Variants in CDK12 observed in about 807,000 individuals in gnomAD.
CDK12 encodes cyclin dependent kinase 12, also known as cyclin-dependent kinase 12.
CDK12 carries 17 observed loss-of-function variants against 133.8 expected under a neutral mutation model. The observed-to-expected ratio is 0.13, with a 90% CI of 0.09 to 0.19. The LOEUF (loss-of-function observed/expected upper bound fraction) is 0.19, where lower values mean the gene tolerates loss of function less well. Ranked by LOEUF, CDK12 falls within the 10% of genes least tolerant of loss-of-function variation. CDK12 has a pLI of 1.00. For synonymous variants in CDK12, 694 were observed against 683.6 expected (o/e 1.02, Z -0.24); for missense variants, 1,508 against 1,818.7 (o/e 0.83, Z 3.11).
At chr17:39,511,491 A>G (rs2053505287) in intron 7 of CDK12, 38 bp from the exon 8 acceptor site, 2 of 1,269,930 alleles carry the variant, frequency 1.6e-6, no homozygotes, top group Non-Finnish European at 2.3e-6. Flanking sequence ...ATCAGAAGCC[A>G]CTGTAAGTTT....
chr17:39,510,942 G>A (rs1228673258), intron 7 of CDK12, among the ~76,000 whole-genome samples: 12 of 134,570 alleles, frequency 8.9e-5, no homozygotes, highest in Non-Finnish European at 1.4e-4. Flanking sequence ...TAGGCCAGGC[G>A]TGGTGGCTCA....
At chr17:39,494,746 T>C (rs2051928261) in intron 5 of CDK12, 52 bp downstream of exon 5, 3 of 1,273,404 alleles carry the variant, frequency 2.4e-6, no homozygotes, top group South Asian at 1.5e-5. Context: ...AATCTTTGCC[T>C]TTCTTTTTTT....
chr17:39,518,525 CCTCT>C (rs1485191037), intron 10 of CDK12, among the ~76,000 whole-genome samples: 1 of 151,866 alleles, frequency 6.6e-6, no homozygotes, highest in African/African-American at 2.4e-5. Flanking sequence ...TACTTTTTTC[CCTCT>C]CTGTTATTTT....
At chr17:39,469,964 C>G (rs1299884830) in intron 1 of CDK12, among the ~76,000 whole-genome samples, 3 of 151,934 alleles carry the variant, frequency 2.0e-5, no homozygotes, top group East Asian at 3.9e-4. Flanking sequence ...CCTGTTTTCA[C>G]TTTATCAAAG....
At chr17:39,544,749 G>GCC (rs1411104032), upstream of CDK12, among the ~76,000 whole-genome samples, 1 of 149,692 alleles carries the variant, frequency 6.7e-6, no homozygotes, top group African/African-American at 2.5e-5. Context: ...TCCTGCCTTA[G>GCC]CCTCCTGAGT....
At chr17:39,469,574 G>C (rs1221877025) in intron 1 of CDK12, among the ~76,000 whole-genome samples, 1 of 151,618 alleles carries the variant, frequency 6.6e-6, no homozygotes, top group African/African-American at 2.4e-5. Flanking sequence ...TTTTGGTGAA[G>C]CATGCTTGTT....
intron 3 of CDK12, among the ~76,000 whole-genome samples, chr17:39,562,751 G>A (rs58935634): frequency 1.3e-5 from 2 of 152,180 alleles, no homozygotes; most frequent in East Asian, 1.9e-4. Flanking sequence ...CATAAAAATC[G>A]AGGGTAGGCT....
At chr17:39,509,851 G>T (rs1303615053) in intron 7 of CDK12, 90 bp downstream of exon 7, 5 of 993,900 alleles carry the variant, frequency 5.0e-6, no homozygotes. Flanking sequence ...GCTCAGGCTG[G>T]AGTGCGTGGC....
chr17:39,472,776 T>C (rs936075235), intron 2 of CDK12, among the ~76,000 whole-genome samples: 5 of 151,678 alleles, frequency 3.3e-5, no homozygotes, highest in South Asian at 4.2e-4. Context: ...TCAATAGTTA[T>C]ATAAATAACA....
At position 39,462,812 on chromosome 17, in the gene CDK12, C is replaced by G. The variant is rs752332073; in HGVS notation, c.741C>G (p.Asp247Glu). The change falls in exon 1 of 14, where the codon GAC becomes GAG. Residue 247 changes from aspartate to glutamate, a missense_variant. Asp to Glu is a conservative substitution (Grantham distance 45). Coordinates refer to ENST00000447079, the MANE Select transcript of CDK12 (RefSeq NM_016507.4). ...GAGCTTCTTATGGCCAAGATTATGACCTTAGTCCCTCACGATCTCATACCT... is the reference window on the plus strand; with the variant it reads ...GAGCTTCTTATGGCCAAGATTATGAGCTTAGTCCCTCACGATCTCATACCT... ...PSGASYGQDY[D>E]LSPSRSHTSS... 3.7e-6 allele frequency: 6 copies of G among 1,614,036 alleles called. No individual in the cohort carries two copies. In the African/African-American group the frequency reaches 8.0e-5, roughly 22 times the overall value.
chr17:39,510,562 A>G (rs2053435432), intron 7 of CDK12, among the ~76,000 whole-genome samples: 2 of 151,374 alleles, frequency 1.3e-5, no homozygotes, highest in African/African-American at 4.8e-5. Context: ...CCTTGGCTGG[A>G]ATAAATAAAT....
In CDK12 at chr17:39,481,475, T is replaced by C. The variant is rs1339472027; in HGVS notation, c.1932-9082T>C. ...ATCACAAGCCATGCCCGGCTGTTTT[T>C]TTTTTTACATTTTTGGTAGAGACCA... On this transcript the variant is annotated intron_variant, in intron 2 of 13. Coordinates refer to ENST00000447079, the MANE Select transcript of CDK12 (RefSeq NM_016507.4). Among the ~76,000 whole-genome samples, 6 of 151,578 alleles carry C rather than the reference T, an allele frequency of 4.0e-5. No individual in the cohort carries two copies. The South Asian group carries it at 1.0e-3, about 26-fold the overall frequency.
At position 39,532,002 on chromosome 17, in the gene CDK12, TGCACATAAAG is replaced by T. The variant is rs1196022474; in HGVS notation, c.*687_*696del. ...TTGACAAAAGATACGCCCTTCTCCC[TGCACATAAAG>T]CAGGTTGTAGAACGTGGCATTCTTG... On this transcript the variant is annotated 3_prime_UTR_variant, in exon 14 of 14. Transcript: ENST00000447079. The T allele has an allele frequency of 4.3e-6, 1 of 233,762 alleles. No individual in the cohort carries two copies. Among genetic ancestry groups the T allele is most frequent in the Non-Finnish European group, 8.5e-6 (1 of 118,066 alleles). The allele number at this position is 233,762 out of a possible 1,614,324, so 14.5% of individuals were successfully genotyped here. A position where few individuals can be genotyped will look rare whatever the true frequency, so the allele number is the denominator to read the frequency against.
intron 2 of CDK12, among the ~76,000 whole-genome samples, chr17:39,479,720 G>A (rs949761193): frequency 1.3e-5 from 2 of 150,912 alleles, no homozygotes; most frequent in African/African-American, 4.9e-5. Flanking sequence ...TCCGCCTCTC[G>A]GGTTCAAGCA....
intron 5 of CDK12, among the ~76,000 whole-genome samples, chr17:39,500,371 G>A (rs1248163299): frequency 1.3e-5 from 2 of 151,846 alleles, no homozygotes; most frequent in African/African-American, 4.8e-5. Context: ...GGTGGCTGAC[G>A]CCTGTAATCC....
intron 2 of CDK12, among the ~76,000 whole-genome samples, chr17:39,482,620 T>TTTTTTTTTTTTTTG (rs2050807128): frequency 2.7e-5 from 4 of 146,068 alleles, no homozygotes; most frequent in African/African-American, 5.0e-5. Flanking sequence ...TTTTTTTTTT[T>TTTTTTTTTTTTTTG]GAGGCAGAGT....
At chr17:39,542,849 T>C (rs2077918093), upstream of CDK12, among the ~76,000 whole-genome samples, 1 of 152,190 alleles carries the variant, frequency 6.6e-6, no homozygotes, top group Admixed American at 6.5e-5. Flanking sequence ...TATACAAGTG[T>C]AATTTTTATT....
chr17:39,554,279 C>T (rs2056065879), intron 2 of CDK12, among the ~76,000 whole-genome samples: 1 of 152,192 alleles, frequency 6.6e-6, no homozygotes, highest in Non-Finnish European at 1.5e-5. Flanking sequence ...TCTCAGTCCT[C>T]TCCTTTCTGG....
At chr17:39,515,860 C>A in intron 9 of CDK12, 52 bp downstream of exon 9, 1 of 1,162,338 alleles carries the variant, frequency 8.6e-7, no homozygotes, top group Non-Finnish European at 1.3e-6. Context: ...GTATTCTCAT[C>A]CTCCAGTTTC....
Sources: allele counts gnomAD v4.1 joint callset (sites outside exome capture counted in the v4.1 genomes callset), GRCh38; gene constraint gnomAD v4.1.1; transcripts MANE v1.5; gene names NCBI Gene and HGNC (gene_info 2026-07-23, HGNC 2026-07-21).